The following GLCCI1 variants were observed in gnomAD, a reference collection of about 807,000 sequenced individuals.
GLCCI1 encodes glucocorticoid-induced transcript 1 protein.
In GLCCI1, 24 loss-of-function variants were observed where a neutral mutation model predicts 52.2. The ratio of observed to expected loss-of-function variants is 0.46; its 90% CI spans 0.33 to 0.65. GLCCI1 has a LOEUF of 0.65. Ranked by LOEUF, GLCCI1 falls within the 30% of genes least tolerant of loss-of-function variation. The pLI, the probability that GLCCI1 is intolerant of heterozygous loss-of-function variation, is 0.02. For missense variants in GLCCI1, 704 were observed against 701.5 expected (o/e 1.00, Z -0.04); for synonymous variants, 310 against 276.5 (o/e 1.12, Z -1.20).
At chr7:8,071,752 C>T (rs966184052) in intron 6 of GLCCI1, among the ~76,000 whole-genome samples, 1 of 152,126 alleles carries the variant, frequency 6.6e-6, no homozygotes, top group Non-Finnish European at 1.5e-5. Flanking sequence ...TGTTTCTAGC[C>T]CCCTAAGACC....
intron 5 of GLCCI1, among the ~76,000 whole-genome samples, chr7:8,066,107 C>G (rs779174904): frequency 1.3e-5 from 2 of 152,102 alleles, no homozygotes; most frequent in Admixed American, 6.5e-5. Flanking sequence ...GGGATTCTCT[C>G]TTCCTGGTTC....
At chr7:8,043,354 GGC>G (rs1437763090) in intron 3 of GLCCI1, among the ~76,000 whole-genome samples, 1 of 150,050 alleles carries the variant, frequency 6.7e-6, no homozygotes, top group Admixed American at 6.6e-5. Flanking sequence ...AGCAGCCATA[GGC>G]AGTATAGAGT....
At position 8,086,340 on chromosome 7, in the gene GLCCI1, CTCT is replaced by C; in HGVS notation, c.1447_1449del (p.Ser483del). ...ACCTTATGCTCAAGAACTCCCCTAA[CTCT>C]GGCCAGAGCTCAGCTTTGGCAACTC... On this transcript the variant is annotated inframe_deletion, in exon 8 of 8. Coordinates refer to ENST00000223145, the MANE Select transcript of GLCCI1 (RefSeq NM_138426.4). The surrounding 1 kb of genome is among the most constrained non-coding windows in gnomAD (Gnocchi z 4.4). The C allele has an allele frequency of 6.2e-7, 1 of 1,614,098 alleles. No homozygotes were observed. Among genetic ancestry groups the C allele is most frequent in the Non-Finnish European group, 8.5e-7 (1 of 1,179,966 alleles).
At chr7:7,987,145 A>AG (rs1780753128) in intron 1 of GLCCI1, among the ~76,000 whole-genome samples, 1 of 152,232 alleles carries the variant, frequency 6.6e-6, no homozygotes, top group Admixed American at 6.5e-5. Flanking sequence ...TTGGTGAATT[A>AG]GGGGTAAAAG....
At chr7:8,042,458 A>G (rs1189834020) in intron 3 of GLCCI1, among the ~76,000 whole-genome samples, 3 of 152,228 alleles carry the variant, frequency 2.0e-5, no homozygotes, top group Non-Finnish European at 2.9e-5. Flanking sequence ...TGAGGGGTTC[A>G]AGACTAGAGT....
At chr7:8,084,865 C>A in intron 6 of GLCCI1, 32 bp from the exon 7 acceptor site, 3 of 1,603,302 alleles carry the variant, frequency 1.9e-6, no homozygotes, top group South Asian at 1.1e-5. Context: ...AGCTTTCAAT[C>A]ACTAGTTAAT....
Position 8,087,267 on chromosome 7 carries a change from G to GC in GLCCI1, c.*730dup, listed in dbSNP as rs1207666991. 1.3e-5 allele frequency: 2 copies of GC among 152,558 alleles called. No homozygotes were observed. The highest frequency in any genetic ancestry group is 2.4e-5 in the African/African-American group (1 of 41,414). 9.5% of individuals were successfully genotyped at this position (152,558 alleles called of 1,614,324 possible). A position where few individuals can be genotyped will look rare whatever the true frequency, so the allele number is the denominator to read the frequency against. ...ACATGGGTGAACATGAGGAGAACCA[G>GC]CAAAATCTGTGGTGTTTGACATCAC... On this transcript the variant is annotated 3_prime_UTR_variant, in exon 8 of 8. Coordinates refer to ENST00000223145, the MANE Select transcript of GLCCI1 (RefSeq NM_138426.4).
At chr7:7,990,699 C>G (rs1282336358) in intron 1 of GLCCI1, among the ~76,000 whole-genome samples, 1 of 152,068 alleles carries the variant, frequency 6.6e-6, no homozygotes, top group Admixed American at 6.6e-5. Flanking sequence ...TTTTCTGCTG[C>G]TTTTGGCCTT....
chr7:8,013,272 T>C (rs553598746), intron 2 of GLCCI1, among the ~76,000 whole-genome samples: 20 of 152,308 alleles, frequency 1.3e-4, no homozygotes, highest in Admixed American at 5.9e-4. Flanking sequence ...GGAGTTTATT[T>C]TGATGGAAGG....
intron 1 of GLCCI1, among the ~76,000 whole-genome samples, chr7:7,999,735 T>C (rs1354303175): frequency 6.6e-6 from 1 of 152,014 alleles, no homozygotes; most frequent in East Asian, 1.9e-4. Context: ...TGAGGCCTCA[T>C]CTCTATAAAT....
chr7:8,085,779 T>C (rs1234836264), intron 7 of GLCCI1, among the ~76,000 whole-genome samples: 2 of 152,166 alleles, frequency 1.3e-5, no homozygotes, highest in Non-Finnish European at 2.9e-5. Flanking sequence ...AGCGGAAGTC[T>C]ATCTAGAAAG....
chr7:7,984,742 G>A (rs546874454), intron 1 of GLCCI1, among the ~76,000 whole-genome samples: 15 of 152,276 alleles, frequency 9.9e-5, no homozygotes, highest in African/African-American at 3.4e-4. Flanking sequence ...CTGAGATTTA[G>A]CAAAATTAAT....
At chr7:8,040,853 C>T (rs957418076) in intron 3 of GLCCI1, among the ~76,000 whole-genome samples, 1 of 152,174 alleles carries the variant, frequency 6.6e-6, no homozygotes, top group Admixed American at 6.5e-5. Context: ...GCTTCATCAA[C>T]TATCATTTTC....
At chr7:8,004,096 C>A in intron 2 of GLCCI1, 37 bp downstream of exon 2, 1 of 1,572,400 alleles carries the variant, frequency 6.4e-7, no homozygotes, top group Non-Finnish European at 8.7e-7. Flanking sequence ...TATTACCCTG[C>A]ACTTCTTCTG....
At chr7:8,083,080 C>G (rs1783031402) in intron 6 of GLCCI1, among the ~76,000 whole-genome samples, 1 of 152,096 alleles carries the variant, frequency 6.6e-6, no homozygotes. Flanking sequence ...GCAGTAATCT[C>G]CATGGAGGCA....
At chr7:7,976,998 C>T (rs1406830103) in intron 1 of GLCCI1, among the ~76,000 whole-genome samples, 1 of 151,722 alleles carries the variant, frequency 6.6e-6, no homozygotes, top group East Asian at 1.9e-4. Context: ...ACTGCTACAA[C>T]TTCCTGTCTA....
chr7:8,008,461 T>G (rs1450319549), intron 2 of GLCCI1, among the ~76,000 whole-genome samples: 1 of 152,064 alleles, frequency 6.6e-6, no homozygotes, highest in Non-Finnish European at 1.5e-5. Flanking sequence ...CACGTCCAGC[T>G]AATTTTTGTA....
chr7:8,058,903 T>C (rs1298984647), intron 4 of GLCCI1, among the ~76,000 whole-genome samples: 1 of 152,234 alleles, frequency 6.6e-6, no homozygotes, highest in Non-Finnish European at 1.5e-5. Flanking sequence ...ATGTTTCATG[T>C]ATTATATACT....
At chr7:8,021,235 T>C (rs1057473552) in intron 2 of GLCCI1, among the ~76,000 whole-genome samples, 1 of 152,166 alleles carries the variant, frequency 6.6e-6, no homozygotes, top group African/African-American at 2.4e-5. Flanking sequence ...TATTATGTAG[T>C]CACAAGTATG....
Sources: allele counts gnomAD v4.1 joint callset (sites outside exome capture counted in the v4.1 genomes callset), GRCh38; gene constraint gnomAD v4.1.1; non-coding constraint Gnocchi (gnomAD v3.1); transcripts MANE v1.5; gene names NCBI Gene and HGNC (gene_info 2026-07-23, HGNC 2026-07-21).